CMTM8: variants seen among roughly 807,000 people sequenced by gnomAD.
CMTM8 encodes the protein CKLF-like MARVEL transmembrane domain-containing protein 8.
Under a neutral mutation model 18.6 loss-of-function variants are expected in CMTM8, and 12 were observed. The observed-to-expected ratio is 0.65, with a 90% CI of 0.41 to 1.05. The LOEUF (loss-of-function observed/expected upper bound fraction) is 1.05, where lower values mean the gene tolerates loss of function less well. CMTM8 is among the 50% of genes least tolerant of loss of function. The pLI is 0.00. For missense variants in CMTM8, 217 were observed against 227.2 expected (o/e 0.95, Z 0.29); for synonymous variants, 87 against 90.6 (o/e 0.96, Z 0.23).
Position 32,239,136 on chromosome 3 carries a change from C to CG in CMTM8, c.147+22dup, listed in dbSNP as rs761310722. The CG allele has an allele frequency of 1.0e-5, 16 of 1,580,896 alleles. No homozygotes were observed. In the African/African-American group the frequency reaches 1.9e-4, roughly 19 times the overall value. On this transcript the variant is annotated intron_variant, in intron 1 of 3. Coordinates refer to ENST00000307526, the MANE Select transcript of CMTM8 (RefSeq NM_178868.5). ...GCCGAGATCGTGAGTGCCGACGGGCCGGGGGTGGCGGGGGGCTCAGCTGGA... is the reference window on the plus strand; with the variant it reads ...GCCGAGATCGTGAGTGCCGACGGGCCGGGGGGTGGCGGGGGGCTCAGCTGGA...
intron 1 of CMTM8, among the ~76,000 whole-genome samples, chr3:32,328,541 C>A (rs1696210942): frequency 4.2e-5 from 6 of 142,702 alleles, no homozygotes; most frequent in Admixed American, 1.4e-4. Flanking sequence ...CAGAGCAGGA[C>A]CAAAAAAGAA....
chr3:32,281,649 A>G (rs1392738273), intron 1 of CMTM8, among the ~76,000 whole-genome samples: 1 of 151,860 alleles, frequency 6.6e-6, no homozygotes, highest in South Asian at 2.1e-4. Context: ...TTTATTTCCT[A>G]ATTCCTCTCA....
rs1242273440 is a variant in CMTM8 at position 32,301,035 on chromosome 3, A to G, written c.148-56338A>G. Reference sequence around the variant, plus strand: ...AAATCATCCTTCACTTGCAGGTCTTATAAAAACAAATGGCTGAGATTAATA... The same window carrying G: ...AAATCATCCTTCACTTGCAGGTCTTGTAAAAACAAATGGCTGAGATTAATA... On this transcript the variant is annotated intron_variant, in intron 1 of 3. Coordinates refer to ENST00000307526, the MANE Select transcript of CMTM8 (RefSeq NM_178868.5). 2.0e-5 allele frequency among the ~76,000 whole-genome samples: 3 copies of G among 152,234 alleles called. No individual in the cohort carries two copies. The East Asian group carries it at 5.8e-4, about 29-fold the overall frequency.
At chr3:32,323,448 G>A (rs1696098420) in intron 1 of CMTM8, among the ~76,000 whole-genome samples, 1 of 152,122 alleles carries the variant, frequency 6.6e-6, no homozygotes, top group Admixed American at 6.6e-5. Context: ...GTTAATGTGG[G>A]CATGGCCAGA....
In CMTM8 at chr3:32,334,856, C is replaced by T. The variant is rs765930978; in HGVS notation, c.148-22517C>T. Reference sequence around the variant, plus strand: ...GTTGTTGCTACCCTGTGACATCCCCCGCTCATGCCTGCCCTCCACTGCCTC... The same window carrying T: ...GTTGTTGCTACCCTGTGACATCCCCTGCTCATGCCTGCCCTCCACTGCCTC... On this transcript the variant is annotated intron_variant, in intron 1 of 3. Transcript: ENST00000307526. Among the ~76,000 whole-genome samples the T allele has an allele frequency of 5.3e-5, 8 of 152,126 alleles. No individual in the cohort carries two copies. In the East Asian group the frequency reaches 7.7e-4, roughly 15 times the overall value.
intron 1 of CMTM8, among the ~76,000 whole-genome samples, chr3:32,340,320 A>G (rs1377484911): frequency 2.6e-5 from 4 of 152,160 alleles, no homozygotes; most frequent in Non-Finnish European, 4.4e-5. Flanking sequence ...CATGCTTGCT[A>G]AACAGAAGGG....
intron 1 of CMTM8, among the ~76,000 whole-genome samples, chr3:32,243,558 C>A (rs965906830): frequency 6.7e-6 from 1 of 148,740 alleles, no homozygotes; most frequent in South Asian, 2.1e-4. Flanking sequence ...AAATCACATT[C>A]TTTTAAAAGT....
intron 1 of CMTM8, among the ~76,000 whole-genome samples, chr3:32,323,732 TA>T: frequency 6.6e-6 from 1 of 152,158 alleles, no homozygotes; most frequent in Non-Finnish European, 1.5e-5. Flanking sequence ...TATAAATGAG[TA>T]AAACCTCTGG....
intron 2 of CMTM8, among the ~76,000 whole-genome samples, chr3:32,367,598 G>A (rs1697064094): frequency 6.6e-6 from 1 of 152,158 alleles, no homozygotes; most frequent in South Asian, 2.1e-4. Context: ...ATGAGATGAG[G>A]CTCAGGAGCA....
At chr3:32,330,981 A>G (rs1015246757) in intron 1 of CMTM8, among the ~76,000 whole-genome samples, 2 of 152,210 alleles carry the variant, frequency 1.3e-5, no homozygotes, top group African/African-American at 4.8e-5. Flanking sequence ...ACAGTAGACA[A>G]ATAGGACTAT....
intron 1 of CMTM8, among the ~76,000 whole-genome samples, chr3:32,293,077 G>GTATATA (rs61467491): frequency 0.014 from 2,059 of 145,730 alleles, 39 homozygotes; most frequent in African/African-American, 0.043. Flanking sequence ...ATATGTGTGT[G>GTATATA]TATATATATA....
chr3:32,247,565 A>G (rs763949613), intron 1 of CMTM8, among the ~76,000 whole-genome samples: 9 of 152,140 alleles, frequency 5.9e-5, no homozygotes, highest in Non-Finnish European at 1.3e-4. Flanking sequence ...ACCTCAAGTG[A>G]TCCACCCACC....
chr3:32,249,917 T>C (rs1702090871), intron 1 of CMTM8, among the ~76,000 whole-genome samples: 1 of 152,236 alleles, frequency 6.6e-6, no homozygotes, highest in Admixed American at 6.5e-5. Context: ...TTTTCTTTTG[T>C]CATTTGTGCT....
At chr3:32,369,539 T>A (rs1200492749) in intron 3 of CMTM8, among the ~76,000 whole-genome samples, 2 of 152,164 alleles carry the variant, frequency 1.3e-5, no homozygotes, top group African/African-American at 2.4e-5. Context: ...TTATGTGAAC[T>A]GACACTGTAG....
chr3:32,248,844 A>G (rs969754420), intron 1 of CMTM8, among the ~76,000 whole-genome samples: 2 of 151,660 alleles, frequency 1.3e-5, no homozygotes, highest in South Asian at 2.1e-4. Context: ...CTAATTGTTT[A>G]ATTTTTTGTA....
chr3:32,364,701 T>C (rs190653995), intron 2 of CMTM8, among the ~76,000 whole-genome samples: 9 of 152,318 alleles, frequency 5.9e-5, no homozygotes, highest in African/African-American at 1.9e-4. Context: ...GGTAGCTATG[T>C]CTTTAAACTC....
intron 1 of CMTM8, chr3:32,259,514 A>T: frequency 1.3e-6 from 1 of 781,260 alleles, no homozygotes; most frequent in South Asian, 1.3e-5. Flanking sequence ...TGATGACACC[A>T]ATGTCACTCG....
At chr3:32,343,856 C>A (rs889074997) in intron 1 of CMTM8, among the ~76,000 whole-genome samples, 1 of 152,156 alleles carries the variant, frequency 6.6e-6, no homozygotes, top group Non-Finnish European at 1.5e-5. Context: ...TGTGCCACCA[C>A]GCCTGGCTAA....
chr3:32,261,310 A>G (rs1483428969), intron 1 of CMTM8, among the ~76,000 whole-genome samples: 2 of 152,186 alleles, frequency 1.3e-5, no homozygotes, highest in Non-Finnish European at 2.9e-5. Context: ...TAGCCCTTAG[A>G]ATATAGTGGT....
Sources: allele counts gnomAD v4.1 joint callset (sites outside exome capture counted in the v4.1 genomes callset), GRCh38; gene constraint gnomAD v4.1.1; transcripts MANE v1.5; gene names NCBI Gene and HGNC (gene_info 2026-07-23, HGNC 2026-07-21).